Variants in PAPLN observed in about 807,000 individuals in gnomAD.
PAPLN encodes the protein papilin.
A neutral mutation model predicts 159.0 loss-of-function variants in PAPLN; 146 were observed. The observed-to-expected ratio is 0.92, with a 90% CI of 0.80 to 1.05. PAPLN has a LOEUF of 1.05. PAPLN is among the 50% of genes least tolerant of loss of function. The pLI is 0.00. For missense variants in PAPLN, 1,720 were observed against 1,743.9 expected (o/e 0.99, Z 0.24); for synonymous variants, 734 against 702.9 (o/e 1.04, Z -0.70).
Position 73,253,869 on chromosome 14 carries a change from G to T in PAPLN, c.1210G>T (p.Ala404Ser). The change falls in exon 12 of 27, where the codon GCT becomes TCT. Residue 404 changes from alanine to serine, a missense_variant. Physicochemically the swap from Ala to Ser is moderately conservative, Grantham distance 99. Transcript: ENST00000644200. The part of the protein sequence containing the change: ...GAGIQEAVEE[A>S]ECAGLPGKPP... ...CGGCATCCAGGAGGCCGTGGAGGAG[G>T]CTGAGTGTGCCGGGCTGCCTGGGAA... The T allele has an allele frequency of 6.2e-7, 1 of 1,613,558 alleles. No individual in the cohort carries two copies. Among genetic ancestry groups the T allele is most frequent in the Non-Finnish European group, 8.5e-7 (1 of 1,179,952 alleles).
chr14:73,241,105 G>A (rs1883496579), intron 2 of PAPLN, among the ~76,000 whole-genome samples: 1 of 152,100 alleles, frequency 6.6e-6, no homozygotes, highest in Non-Finnish European at 1.5e-5. Context: ...GGATGGCAGT[G>A]GGCACTTCTC....
chr14:73,247,692 G>A lies in PAPLN; in HGVS notation c.334+1517G>A, dbSNP rs1285694880. On this transcript the variant is annotated intron_variant, in intron 5 of 26. Transcript: ENST00000644200. The stretch of plus-strand genomic sequence containing the variant: ...TGTGTGTGTGTGTGTTGTGGGGATC[G>A]TGGCTGTGGGCATGGCCCAGTGGGA... Among the ~76,000 whole-genome samples the A allele has an allele frequency of 1.5e-4, 22 of 148,166 alleles. 1 individual carries two copies. The highest frequency in any genetic ancestry group is 5.6e-4 in the African/African-American group (22 of 39,562).
At chr14:73,248,725 G>GGT (rs1184861369) in intron 5 of PAPLN, among the ~76,000 whole-genome samples, 1 of 152,176 alleles carries the variant, frequency 6.6e-6, no homozygotes, top group Admixed American at 6.5e-5. Context: ...GAGAAGCTGA[G>GGT]GTGGGAGGAT....
In PAPLN at chr14:73,251,666, G is replaced by A. The variant is rs750300767; in HGVS notation, c.673G>A (p.Val225Met). ...CTGAGGCGGTCTCCTCTGCGCAGCT[G>A]TGAAGAATGTTCGTGGGGAATACTA... Reference protein sequence around the residue: ...EAAASRNFLAVKNVRGEYYLN... With the variant: ...EAAASRNFLAMKNVRGEYYLN... Residue 225 changes from valine to methionine, a missense_variant and splice_region_variant, in exon 9 of 27, where the codon GTG becomes ATG. Coordinates refer to ENST00000644200, the MANE Select transcript of PAPLN (RefSeq NM_001365906.3). 10 of 1,613,546 alleles carry A rather than the reference G, an allele frequency of 6.2e-6. No homozygotes were observed. In the South Asian group the frequency reaches 7.7e-5, roughly 12 times the overall value.
chr14:73,248,195 G>C (rs1884822024), intron 5 of PAPLN, among the ~76,000 whole-genome samples: 1 of 146,266 alleles, frequency 6.8e-6, no homozygotes, highest in Non-Finnish European at 1.5e-5. Flanking sequence ...GTGTCTGTGT[G>C]TGTTGTGGGG....
At position 73,262,747 on chromosome 14, in the gene PAPLN, G is replaced by T. The variant is rs983276366; in HGVS notation, c.2643G>T (p.Gly881=). Residue 881 remains glycine (G), a synonymous_variant, in exon 19 of 27, where the codon GGG becomes GGT. Transcript: ENST00000644200. The part of the protein sequence containing the change: ...HTQAFGEWPW[G]QELGSRAPGL... The stretch of plus-strand genomic sequence containing the variant: ...AGGCCTTTGGAGAATGGCCATGGGG[G>T]CAGGAGCTTGGGTCCAGGGCCCCTG... 19 of 1,511,334 alleles carry T rather than the reference G, an allele frequency of 1.3e-5. No individual in the cohort carries two copies. The highest frequency in any genetic ancestry group is 1.7e-5 in the Non-Finnish European group (19 of 1,134,636). The allele number at this position is 1,511,334 out of a possible 1,614,324, so 93.6% of individuals were successfully genotyped here.
At position 73,247,311 on chromosome 14, in the gene PAPLN, C is replaced by A. The variant is rs545572192; in HGVS notation, c.334+1136C>A. ...GAAAAAACACCCAGGTAAGCACCAA[C>A]ATGTATGTCATTAAGCATTTTAGAT... On this transcript the variant is annotated intron_variant, in intron 5 of 26. Coordinates refer to ENST00000644200, the MANE Select transcript of PAPLN (RefSeq NM_001365906.3). Among the ~76,000 whole-genome samples, 29 of 152,334 alleles carry A rather than the reference C, an allele frequency of 1.9e-4. No homozygotes were observed. The East Asian group carries it at 4.8e-3, about 25-fold the overall frequency.
chr14:73,239,746 C>A, intron 1 of PAPLN, 27 bp from the exon 2 acceptor site: 1 of 1,561,694 alleles, frequency 6.4e-7, no homozygotes, highest in South Asian at 1.2e-5. Flanking sequence ...AGCCCCGGGC[C>A]GCTCTAACCC....
chr14:73,255,092 C>T (rs950618579), intron 14 of PAPLN, 74 bp downstream of exon 14: 149 of 1,530,486 alleles, frequency 9.7e-5, no homozygotes, highest in Non-Finnish European at 1.1e-5. Flanking sequence ...GCAAGCATGT[C>T]CTGCCTCGGG....
intron 25 of PAPLN, among the ~76,000 whole-genome samples, chr14:73,267,655 G>A (rs1289621918): frequency 6.6e-6 from 1 of 152,240 alleles, no homozygotes; most frequent in Non-Finnish European, 1.5e-5. Flanking sequence ...GAGAGGTGAC[G>A]CGATTGCGGA....
chr14:73,262,212 T>A, intron 18 of PAPLN, 138 bp from the exon 19 acceptor site: 1 of 880,850 alleles, frequency 1.1e-6, no homozygotes, highest in Admixed American at 2.3e-5. Flanking sequence ...CAGGGCCAGG[T>A]CAGGCCCCCA....
intron 11 of PAPLN, 38 bp downstream of exon 11, chr14:73,252,813 C>T (rs756398223): frequency 6.2e-7 from 1 of 1,610,404 alleles, no homozygotes; most frequent in Non-Finnish European, 8.5e-7. Context: ...TGATGAGGCC[C>T]AAGAACTTGG....
intron 25 of PAPLN, 82 bp downstream of exon 25, chr14:73,266,913 T>A (rs1453249824): frequency 2.3e-6 from 3 of 1,328,314 alleles, no homozygotes; most frequent in African/African-American, 2.9e-5. Flanking sequence ...GCCAGGGATG[T>A]CACTGTCACC....
rs1219059363 is a variant in PAPLN at position 73,245,785 on chromosome 14, GGCT to G, written c.231+94_231+96del. 1 of 1,491,482 alleles carries G rather than the reference GGCT, an allele frequency of 6.7e-7. No individual in the cohort carries two copies. Among genetic ancestry groups the G allele is most frequent in the Non-Finnish European group, 9.0e-7 (1 of 1,114,494 alleles). The allele number at this position is 1,491,482 out of a possible 1,614,324, so 92.4% of individuals were successfully genotyped here. A position where few individuals can be genotyped will look rare whatever the true frequency, so the allele number is the denominator to read the frequency against. On this transcript the variant is annotated intron_variant, in intron 4 of 26. Transcript: ENST00000644200. The surrounding 1 kb of genome is among the most constrained non-coding windows in gnomAD (Gnocchi z 4.2). Reference sequence around the variant, plus strand: ...ATTGGGATGCCCGCTCCTGGCCGCGGGCTGCTGGGTTGGCCCAGCCTGGGGTCC... The same window carrying G: ...ATTGGGATGCCCGCTCCTGGCCGCGGGCTGGGTTGGCCCAGCCTGGGGTCC...
Position 73,250,943 on chromosome 14 carries a change from C to T in PAPLN, c.502C>T (p.Gln168Ter). The T allele has an allele frequency of 6.2e-7, 1 of 1,613,752 alleles. No individual in the cohort carries two copies. Among genetic ancestry groups the T allele is most frequent in the African/African-American group, 1.3e-5 (1 of 75,064 alleles). Residue 168 changes from glutamine to a stop codon, truncating the protein, a stop_gained, in exon 7 of 27, where the codon CAG becomes TAG. Coordinates refer to ENST00000644200, the MANE Select transcript of PAPLN (RefSeq NM_001365906.3). LOFTEE classifies it high-confidence loss of function. ...GCDHELDSSK[Q>*]EDKCLRCGGD... ...TGATCACGAGCTGGACTCGTCCAAG[C>T]AGGAGGACAAGTGTCTGCGGTGTGG...
rs369513177 is a variant in PAPLN, at chr14:73,264,613, G to A, written c.3012G>A (p.Glu1004=). 77 of 1,604,056 alleles carry A rather than the reference G, an allele frequency of 4.8e-5. No individual in the cohort carries two copies. The highest frequency in any genetic ancestry group is 6.5e-5 in the Non-Finnish European group (77 of 1,177,542). Residue 1004 remains glutamate (E), a synonymous_variant, in exon 22 of 27, where the codon GAG becomes GAA. Transcript: ENST00000644200. ...IIGGDMAVLS[E]AELSRFPQPR... The stretch of plus-strand genomic sequence containing the variant: ...GGGGTGACATGGCCGTGCTGTCTGA[G>A]GCTGAGCTGAGCCGCTTCCCTCAGC...
chr14:73,239,492 T>C (rs1295162087), intron 1 of PAPLN: 2 of 449,720 alleles, frequency 4.4e-6, no homozygotes, highest in Admixed American at 4.2e-5. Context: ...GTATTTTTAA[T>C]TGCTCTCTCT....
chr14:73,238,041 G>T (rs1241456622), intron 1 of PAPLN, among the ~76,000 whole-genome samples: 1 of 152,166 alleles, frequency 6.6e-6, no homozygotes, highest in Non-Finnish European at 1.5e-5. Flanking sequence ...GCGCCTCTCC[G>T]CCTCGGGGGT....
intron 14 of PAPLN, among the ~76,000 whole-genome samples, chr14:73,258,576 G>A (rs1179265651): frequency 5.0e-5 from 7 of 138,840 alleles, no homozygotes; most frequent in African/African-American, 1.9e-4. Context: ...TTGAGCCCAG[G>A]AGTTTGAGAC....
Sources: allele counts gnomAD v4.1 joint callset (sites outside exome capture counted in the v4.1 genomes callset), GRCh38; gene constraint gnomAD v4.1.1; non-coding constraint Gnocchi (gnomAD v3.1); transcripts MANE v1.5; gene names NCBI Gene and HGNC (gene_info 2026-07-23, HGNC 2026-07-21).